The following NRXN3 variants were observed in gnomAD, a reference collection of about 807,000 sequenced individuals.
NRXN3 encodes the protein neurexin III.
In NRXN3, 32 loss-of-function variants were observed where a neutral mutation model predicts 137.6. The ratio of observed to expected loss-of-function variants is 0.23; its 90% confidence interval spans 0.18 to 0.31. NRXN3 has a LOEUF of 0.31. NRXN3 is among the 10% of genes least tolerant of loss of function. The pLI is 1.00. For synonymous variants in NRXN3, 798 were observed against 784.5 expected (o/e 1.02, Z -0.29); for missense variants, 1,574 against 2,062.5 (o/e 0.76, Z 4.59).
At chr14:78,966,459 C>T in intron 12 of NRXN3, 53 bp downstream of exon 12, 1 of 1,543,492 alleles carries the variant, frequency 6.5e-7, no homozygotes, top group South Asian at 1.2e-5. Context: ...TACTGAAGCT[C>T]TACGTAAAAT....
At chr14:79,274,291 C>T (rs1188300592) in intron 15 of NRXN3, among the ~76,000 whole-genome samples, 1 of 151,954 alleles carries the variant, frequency 6.6e-6, no homozygotes, top group Non-Finnish European at 1.5e-5. Context: ...TTGCAGTGGT[C>T]CCCATACCTA....
intron 15 of NRXN3, 103 bp downstream of exon 15, chr14:78,988,244 A>C: frequency 7.1e-7 from 1 of 1,405,534 alleles, no homozygotes; most frequent in South Asian, 1.2e-5. Context: ...TGAAAGATTC[A>C]TAAGTAATTC....
chr14:78,186,788 T>C (rs1010758449), intron 1 of NRXN3, among the ~76,000 whole-genome samples: 2 of 152,084 alleles, frequency 1.3e-5, no homozygotes, highest in Non-Finnish European at 2.9e-5. Context: ...AGGGACAGGA[T>C]AGTGGTGGGA....
In NRXN3 at chr14:79,655,203, G is replaced by C. The variant is rs557105149; in HGVS notation, c.3445-8575G>C. On this transcript the variant is annotated intron_variant, in intron 16 of 20. Coordinates refer to ENST00000335750, the MANE Select transcript of NRXN3 (RefSeq NM_001330195.2). Reference sequence around the variant, plus strand: ...GGAGATGAATGAAAAGACTTCCTTAGGGACTAGCAGCAATCAGTCAGTAGG... The same window carrying C: ...GGAGATGAATGAAAAGACTTCCTTACGGACTAGCAGCAATCAGTCAGTAGG... Among the ~76,000 whole-genome samples the C allele has an allele frequency of 4.6e-5, 7 of 152,298 alleles. No homozygotes were observed. The East Asian group carries it at 1.2e-3, about 25-fold the overall frequency.
intron 4 of NRXN3, among the ~76,000 whole-genome samples, chr14:78,414,019 G>T (rs934940231): frequency 6.6e-6 from 1 of 152,124 alleles, no homozygotes; most frequent in Non-Finnish European, 1.5e-5. Context: ...ATGCCCTCTT[G>T]CCTGTCAGCA....
chr14:78,598,942 TG>T (rs1409559510), intron 4 of NRXN3, among the ~76,000 whole-genome samples: 4 of 152,252 alleles, frequency 2.6e-5, no homozygotes, highest in Non-Finnish European at 2.9e-5. Context: ...GCTGGATTGC[TG>T]AAGATCATAT....
intron 19 of NRXN3, among the ~76,000 whole-genome samples, chr14:79,705,864 T>C (rs186078524): frequency 2.3e-4 from 35 of 152,302 alleles, no homozygotes; most frequent in Non-Finnish European, 4.3e-4. Context: ...ATTGTCCCTA[T>C]TTAGTAGATT....
intron 19 of NRXN3, among the ~76,000 whole-genome samples, chr14:79,751,474 G>A (rs1311060645): frequency 3.3e-5 from 5 of 150,300 alleles, no homozygotes; most frequent in South Asian, 2.1e-4. Flanking sequence ...ATTTTGGGCT[G>A]AGACAATGGG....
intron 10 of NRXN3, among the ~76,000 whole-genome samples, chr14:78,927,678 T>C (rs1047022234): frequency 6.6e-6 from 1 of 152,184 alleles, no homozygotes; most frequent in Non-Finnish European, 1.5e-5. Flanking sequence ...ATCTATAAGA[T>C]TGAGACCATT....
chr14:78,967,163 T>G (rs376313744), intron 12 of NRXN3, 45 bp from the exon 13 acceptor site: 3 of 1,557,130 alleles, frequency 1.9e-6, no homozygotes, highest in Non-Finnish European at 2.6e-6. Context: ...ATTAAACCAC[T>G]TCGGGGATTT....
intron 16 of NRXN3, among the ~76,000 whole-genome samples, chr14:79,517,209 A>G (rs2096999630): frequency 6.7e-6 from 1 of 149,434 alleles, no homozygotes; most frequent in Non-Finnish European, 1.5e-5. Context: ...GTGTAGTTTT[A>G]TTTTCTTTTT....
At chr14:79,499,395 T>G (rs1334351596) in intron 16 of NRXN3, among the ~76,000 whole-genome samples, 1 of 152,214 alleles carries the variant, frequency 6.6e-6, no homozygotes, top group African/African-American at 2.4e-5. Flanking sequence ...TCAGCTCAGA[T>G]GTTACCTCCT....
intron 15 of NRXN3, among the ~76,000 whole-genome samples, chr14:79,421,965 T>C (rs1414937751): frequency 6.6e-6 from 1 of 152,224 alleles, no homozygotes; most frequent in African/African-American, 2.4e-5. Flanking sequence ...TGCTTTGTTA[T>C]CAGACTTCAC....
At chr14:79,840,417 T>A (rs1326681029) in intron 20 of NRXN3, among the ~76,000 whole-genome samples, 1 of 151,850 alleles carries the variant, frequency 6.6e-6, no homozygotes, top group Non-Finnish European at 1.5e-5. Context: ...CAATTCTCAT[T>A]ATGCAATTAT....
intron 4 of NRXN3, among the ~76,000 whole-genome samples, chr14:78,548,826 C>A (rs948459597): frequency 6.6e-6 from 1 of 152,164 alleles, no homozygotes; most frequent in African/African-American, 2.4e-5. Flanking sequence ...TACCCAAGAC[C>A]AGGTCCCTTC....
chr14:79,217,364 C>T (rs968703743), intron 15 of NRXN3, among the ~76,000 whole-genome samples: 4 of 152,020 alleles, frequency 2.6e-5, no homozygotes, highest in Admixed American at 2.6e-4. Context: ...CATGAATTTG[C>T]AGAGAGAACT....
intron 16 of NRXN3, among the ~76,000 whole-genome samples, chr14:79,542,663 C>T (rs527922813): frequency 6.6e-6 from 1 of 152,216 alleles, no homozygotes; most frequent in Non-Finnish European, 1.5e-5. Context: ...TCCTGGGGTG[C>T]CTTATCTATT....
In NRXN3 at chr14:78,651,289, C is replaced by T. The variant is rs2097739883; in HGVS notation, c.1184C>T (p.Ser395Phe). 3 of 1,613,906 alleles carry T rather than the reference C, an allele frequency of 1.9e-6. 1 individual carries two copies. The highest frequency in any genetic ancestry group is 2.2e-5 in the South Asian group (2 of 91,080). Residue 395 changes from serine (S) to phenylalanine (F), a missense_variant, in exon 6 of 21, where the codon TCC becomes TTC. Coordinates refer to ENST00000335750, the MANE Select transcript of NRXN3 (RefSeq NM_001330195.2). ...GSPSTADLPG[S>F]PVSNNFMGCL... ...CCAAGTACCGCTGACTTGCCTGGCT[C>T]CCCTGTCAGCAACAACTTCATGGGC...
At chr14:79,305,294 T>G (rs1466932445) in intron 15 of NRXN3, among the ~76,000 whole-genome samples, 1 of 152,066 alleles carries the variant, frequency 6.6e-6, no homozygotes, top group African/African-American at 2.4e-5. Context: ...TAATTGCTGG[T>G]GAAATTAACA....
Sources: gnomAD v4.1 joint callset for allele counts (sites outside exome capture counted in the v4.1 genomes callset) on GRCh38, gnomAD v4.1.1 for gene constraint, MANE v1.5 for transcripts, NCBI Gene and HGNC (gene_info 2026-07-23, HGNC 2026-07-21) for gene names.